CAMK2B: variants seen among roughly 807,000 people sequenced by gnomAD.
The protein encoded by CAMK2B is calcium/calmodulin dependent protein kinase II beta.
Under a neutral mutation model 93.7 loss-of-function variants are expected in CAMK2B, and 27 were observed. That is an observed-to-expected ratio of 0.29 (90% CI 0.21 to 0.40). CAMK2B has a LOEUF of 0.40. Among genes scored for constraint, CAMK2B ranks in the 10% least tolerant of loss-of-function variants. CAMK2B has a pLI of 1.00. For synonymous variants in CAMK2B, 374 were observed against 358.8 expected (o/e 1.04, Z -0.48); for missense variants, 568 against 895.8 (o/e 0.63, Z 4.67).
rs1283412443 is a variant in CAMK2B, at chr7:44,240,753, G to C, written c.904-4C>G. On this transcript the variant is annotated splice_region_variant and splice_polypyrimidine_tract_variant and intron_variant, in intron 11 of 23. Coordinates refer to ENST00000395749, the MANE Select transcript of CAMK2B (RefSeq NM_001220.5). The stretch of plus-strand genomic sequence containing the variant: ...GCATGGTGGTGAGGATGGCTCCCTG[G>C]GGAGAGACACAGATAAAACCGGGGC... 3 of 1,613,724 alleles carry C rather than the reference G, an allele frequency of 1.9e-6. No homozygotes were observed. The highest frequency in any genetic ancestry group is 2.2e-5 in the East Asian group (1 of 44,878).
intron 1 of CAMK2B, among the ~76,000 whole-genome samples, chr7:44,309,623 C>A (rs1456861849): frequency 6.6e-6 from 1 of 152,192 alleles, no homozygotes; most frequent in Non-Finnish European, 1.5e-5. Flanking sequence ...GGCTGGAGTG[C>A]GGTGGGGTCG....
Position 44,218,199 on chromosome 7 carries a change from C to T in CAMK2B, c.*1326G>A, listed in dbSNP as rs2096361037. On this transcript the variant is annotated 3_prime_UTR_variant, in exon 24 of 24. Transcript: ENST00000395749. The stretch of plus-strand genomic sequence containing the variant: ...CCTCCCATGTGCCCTAGGCTGGCTC[C>T]CACTGTAGCTTTTGCTCCCTTCTGC... The T allele has an allele frequency of 6.5e-6, 1 of 153,076 alleles. No homozygotes were observed. The highest frequency in any genetic ancestry group is 1.9e-4 in the East Asian group (1 of 5,218). The allele number at this position is 153,076 out of a possible 1,614,324, so 9.5% of individuals were successfully genotyped here.
chr7:44,232,003 T>C (rs1000916615), intron 16 of CAMK2B, among the ~76,000 whole-genome samples: 3 of 152,162 alleles, frequency 2.0e-5, no homozygotes, highest in East Asian at 1.9e-4. Context: ...GCAGAGAGCA[T>C]GACCCACCCC....
intron 4 of CAMK2B, among the ~76,000 whole-genome samples, chr7:44,256,209 C>CG (rs1562927004): frequency 6.6e-6 from 1 of 152,246 alleles, no homozygotes; most frequent in East Asian, 1.9e-4. Flanking sequence ...ACAGTGTTGA[C>CG]GGGGCCCTTC....
intron 17 of CAMK2B, among the ~76,000 whole-genome samples, chr7:44,230,739 G>A (rs1437582258): frequency 3.9e-5 from 6 of 152,142 alleles, no homozygotes; most frequent in Non-Finnish European, 7.3e-5. Context: ...TGGAGAACCT[G>A]CCTCCATGCA....
intron 6 of CAMK2B, among the ~76,000 whole-genome samples, chr7:44,246,496 T>C (rs543646519): frequency 6.6e-6 from 1 of 151,704 alleles, no homozygotes; most frequent in East Asian, 2.0e-4. Flanking sequence ...CACATTCACA[T>C]ATGCATGCGC....
intron 2 of CAMK2B, among the ~76,000 whole-genome samples, chr7:44,270,671 C>A (rs1347019136): frequency 6.6e-6 from 1 of 152,242 alleles, no homozygotes; most frequent in Admixed American, 6.5e-5. Flanking sequence ...TCAGGAGATG[C>A]CCTGTCAAGT....
intron 17 of CAMK2B, among the ~76,000 whole-genome samples, chr7:44,230,800 G>C (rs926613528): frequency 6.6e-6 from 1 of 152,110 alleles, no homozygotes; most frequent in Non-Finnish European, 1.5e-5. Context: ...CCCAGCTGTC[G>C]GTCATCTCTG....
At chr7:44,245,730 G>C (rs995983388) in intron 6 of CAMK2B, among the ~76,000 whole-genome samples, 12 of 152,138 alleles carry the variant, frequency 7.9e-5, no homozygotes, top group African/African-American at 2.7e-4. Flanking sequence ...GGGTATAGGA[G>C]AGGGTCCCGG....
rs1199008200 is a variant in CAMK2B at position 44,278,425 on chromosome 7, G to A, written c.160+5706C>T. Among the ~76,000 whole-genome samples the A allele has an allele frequency of 2.0e-5, 3 of 152,180 alleles. No individual in the cohort carries two copies. The East Asian group carries it at 5.8e-4, about 29-fold the overall frequency. On this transcript the variant is annotated intron_variant, in intron 2 of 23. Coordinates refer to ENST00000395749, the MANE Select transcript of CAMK2B (RefSeq NM_001220.5). ...AGCTGGGCAGTCAGGGTTGAAGCAG[G>A]ACATTCACCTGGAGGTGCGTGTCCC...
chr7:44,234,987 T>C (rs1255837182), intron 13 of CAMK2B, among the ~76,000 whole-genome samples: 3 of 152,206 alleles, frequency 2.0e-5, no homozygotes, highest in Admixed American at 2.0e-4. Context: ...ACATGCAAGC[T>C]CTTCCTAGAG....
At chr7:44,241,502 T>C (rs887994371) in intron 11 of CAMK2B, among the ~76,000 whole-genome samples, 198 bp downstream of exon 11, 1 of 152,220 alleles carries the variant, frequency 6.6e-6, no homozygotes, top group Non-Finnish European at 1.5e-5. Context: ...GAGCCACACC[T>C]GGCCCAGGGC....
chr7:44,258,697 G>A (rs936203166), intron 4 of CAMK2B, among the ~76,000 whole-genome samples, 175 bp downstream of exon 4: 4 of 152,204 alleles, frequency 2.6e-5, no homozygotes, highest in East Asian at 1.9e-4. Context: ...GAGGGGAGGC[G>A]AGGGAAGCTA....
At chr7:44,288,374 G>A (rs965285259) in intron 1 of CAMK2B, among the ~76,000 whole-genome samples, 2 of 152,244 alleles carry the variant, frequency 1.3e-5, no homozygotes, top group Non-Finnish European at 2.9e-5. Flanking sequence ...CCTCTAGGGT[G>A]TGGACCATCC....
intron 3 of CAMK2B, among the ~76,000 whole-genome samples, chr7:44,261,067 C>T (rs1430543968): frequency 6.6e-6 from 1 of 152,250 alleles, no homozygotes; most frequent in Non-Finnish European, 1.5e-5. Flanking sequence ...GATGCCCTCT[C>T]ACTAGGTCCC....
At position 44,248,982 on chromosome 7, in the gene CAMK2B, C is replaced by CT. The variant is rs766131768; in HGVS notation, c.342-1791dup. ...CTGCCTTCCCTCCTCCCCATGTGCC[C>CT]TGGGGTGTCCTGCCCATTTGTTGAA... On this transcript the variant is annotated intron_variant, in intron 5 of 23. Transcript: ENST00000395749. This position sits in a 1 kb window ranked among gnomAD's most constrained non-coding sequence, Gnocchi z 4.1. 3.9e-5 allele frequency among the ~76,000 whole-genome samples: 6 copies of CT among 151,930 alleles called. No individual in the cohort carries two copies. The highest frequency in any genetic ancestry group is 7.4e-5 in the Non-Finnish European group (5 of 67,950).
At chr7:44,257,519 C>A (rs2096844524) in intron 4 of CAMK2B, among the ~76,000 whole-genome samples, 1 of 152,248 alleles carries the variant, frequency 6.6e-6, no homozygotes, top group South Asian at 2.1e-4. Flanking sequence ...CGGACCACCC[C>A]CCACCCCACA....
chr7:44,229,082 C>T (rs1257806068), intron 18 of CAMK2B, 158 bp from the exon 19 acceptor site: 3 of 759,568 alleles, frequency 3.9e-6, no homozygotes, highest in Non-Finnish European at 6.9e-6. Flanking sequence ...GGGAGCCCCC[C>T]CGCCCGCAAG....
chr7:44,219,344 G>GTTTTTTTTTTTTTTTT lies in CAMK2B; in HGVS notation c.*165_*180dup, dbSNP rs59312365. The GTTTTTTTTTTTTTTTT allele has an allele frequency of 2.0e-4, 7 of 35,184 alleles. No homozygotes were observed. Among genetic ancestry groups the GTTTTTTTTTTTTTTTT allele is most frequent in the East Asian group, 8.1e-4 (1 of 1,234 alleles). The allele number at this position is 35,184 out of a possible 1,614,324, so 2.2% of individuals were successfully genotyped here. On this transcript the variant is annotated 3_prime_UTR_variant, in exon 24 of 24. Coordinates refer to ENST00000395749, the MANE Select transcript of CAMK2B (RefSeq NM_001220.5). ...TTTTTGTGGTTGTCGTCGTCATCTT[G>GTTTTTTTTTTTTTTTT]TTTTTTTTTTTTTTTTTTTTGTTTT...
Sources: allele counts gnomAD v4.1 joint callset (sites outside exome capture counted in the v4.1 genomes callset), GRCh38; gene constraint gnomAD v4.1.1; non-coding constraint Gnocchi (gnomAD v3.1); transcripts MANE v1.5; gene names NCBI Gene and HGNC (gene_info 2026-07-23, HGNC 2026-07-21).